The following SPAG9 variants were observed in gnomAD, a reference collection of about 807,000 sequenced individuals.
SPAG9 encodes the protein sperm associated antigen 9.
A neutral mutation model predicts 166.5 loss-of-function variants in SPAG9; 35 were observed. The observed-to-expected ratio is 0.21, with a 90% CI of 0.16 to 0.28. SPAG9 has a LOEUF of 0.28. Among genes scored for constraint, SPAG9 ranks in the 10% least tolerant of loss-of-function variants. The pLI is 1.00. For missense variants in SPAG9, 1,235 were observed against 1,603.3 expected (o/e 0.77, Z 3.92); for synonymous variants, 534 against 565.5 (o/e 0.94, Z 0.79).
intron 1 of SPAG9, among the ~76,000 whole-genome samples, chr17:51,100,703 T>A (rs1178020767): frequency 1.3e-5 from 2 of 152,150 alleles, no homozygotes; most frequent in East Asian, 3.9e-4. Context: ...GAGGATCAAC[T>A]GAGGTTGGGA....
At chr17:51,055,851 A>G (rs2047349864) in intron 3 of SPAG9, among the ~76,000 whole-genome samples, 1 of 152,204 alleles carries the variant, frequency 6.6e-6, no homozygotes, top group African/African-American at 2.4e-5. Context: ...AAAAACCCTC[A>G]AGTACATTTT....
Position 51,031,626 on chromosome 17 carries a change from A to G in SPAG9, c.783+55T>C, listed in dbSNP as rs1465536982. The G allele has an allele frequency of 7.3e-6, 9 of 1,227,892 alleles. No homozygotes were observed. The East Asian group carries it at 1.5e-4, about 21-fold the overall frequency. The allele number at this position is 1,227,892 out of a possible 1,614,324, so 76.1% of individuals were successfully genotyped here. A position where few individuals can be genotyped will look rare whatever the true frequency, so the allele number is the denominator to read the frequency against. ...AGAATAGCAGTTGAGGAAGTAATCAATAGTTAATCACTTTAGTATACTTTT... is the reference window on the plus strand; with the variant it reads ...AGAATAGCAGTTGAGGAAGTAATCAGTAGTTAATCACTTTAGTATACTTTT... On this transcript the variant is annotated intron_variant, in intron 6 of 29. Transcript: ENST00000262013.
intron 5 of SPAG9, chr17:51,040,546 A>G (rs1468713601): frequency 6.6e-6 from 1 of 152,242 alleles, no homozygotes; most frequent in Non-Finnish European, 1.5e-5. Flanking sequence ...AAAACAAATC[A>G]TTCACTCAAC....
At chr17:51,081,655 T>C (rs1385681795) in intron 1 of SPAG9, among the ~76,000 whole-genome samples, 3 of 151,838 alleles carry the variant, frequency 2.0e-5, no homozygotes, top group East Asian at 1.9e-4. Flanking sequence ...GGCAGGAGAA[T>C]TGCTTGAACT....
At chr17:51,117,112 G>A (rs1388974984) in intron 1 of SPAG9, among the ~76,000 whole-genome samples, 1 of 152,128 alleles carries the variant, frequency 6.6e-6, no homozygotes, top group Non-Finnish European at 1.5e-5. Context: ...TAAAACAGCA[G>A]ACTAGCTCCA....
chr17:51,010,449 T>C lies in SPAG9; in HGVS notation c.1214-3123A>G, dbSNP rs190449918. Among the ~76,000 whole-genome samples, 20 of 151,832 alleles carry C rather than the reference T, an allele frequency of 1.3e-4. 1 individual carries two copies. In the South Asian group the frequency reaches 4.2e-3, roughly 32 times the overall value. On this transcript the variant is annotated intron_variant, in intron 9 of 29. Transcript: ENST00000262013. Reference sequence around the variant, plus strand: ...ATAACTAAAAAATAACAGTAAAGTATGAAGAGTGGTATAATAAAATGCAGT... The same window carrying C: ...ATAACTAAAAAATAACAGTAAAGTACGAAGAGTGGTATAATAAAATGCAGT...
chr17:51,101,120 G>A (rs1271857777), intron 1 of SPAG9, among the ~76,000 whole-genome samples: 1 of 151,992 alleles, frequency 6.6e-6, no homozygotes, highest in African/African-American at 2.4e-5. Context: ...GGCCAAGGCA[G>A]GTGGATCACG....
chr17:51,020,778 A>C (rs1210715895), intron 7 of SPAG9, among the ~76,000 whole-genome samples: 1 of 152,212 alleles, frequency 6.6e-6, no homozygotes, highest in Non-Finnish European at 1.5e-5. Flanking sequence ...ACCAAAATCC[A>C]TGGATGCTCA....
chr17:51,027,434 C>CAA (rs560398446), intron 6 of SPAG9, among the ~76,000 whole-genome samples: 5 of 111,176 alleles, frequency 4.5e-5, no homozygotes, highest in African/African-American at 1.0e-4. Flanking sequence ...GACCTTGTCT[C>CAA]AAAAAAAAAA....
chr17:50,991,627 A>AT (rs879696026), intron 19 of SPAG9, among the ~76,000 whole-genome samples: 6,487 of 144,714 alleles, frequency 0.045, 460 homozygotes, highest in African/African-American at 0.15. Flanking sequence ...CATCACCATT[A>AT]TTTTTTTTTT....
intron 8 of SPAG9, among the ~76,000 whole-genome samples, chr17:51,016,725 T>C (rs1028137158): frequency 6.6e-6 from 1 of 151,992 alleles, no homozygotes; most frequent in Non-Finnish European, 1.5e-5. Context: ...ACCAACATGG[T>C]GAAACCCCGT....
chr17:51,074,066 C>T (rs1170843291), intron 2 of SPAG9, among the ~76,000 whole-genome samples: 14 of 152,130 alleles, frequency 9.2e-5, no homozygotes, highest in Non-Finnish European at 2.1e-4. Flanking sequence ...GAAACCCCGT[C>T]TCTACTAAAA....
chr17:51,084,745 A>G (rs2048261654), intron 1 of SPAG9, among the ~76,000 whole-genome samples: 1 of 152,128 alleles, frequency 6.6e-6, no homozygotes, highest in Admixed American at 6.6e-5. Context: ...TGTGTTACGG[A>G]TAAAATGCTG....
Position 51,021,278 on chromosome 17 carries a change from CAGT to C in SPAG9, c.868_870del (p.Thr290del). ...TCGTTTTCTTCCTTTAAGGGAGTATCAGTAGGAATTGTTGCCACATCTGAATTA... is the reference window on the plus strand; with the variant it reads ...TCGTTTTCTTCCTTTAAGGGAGTATCAGGAATTGTTGCCACATCTGAATTA... On this transcript the variant is annotated inframe_deletion, in exon 7 of 30. Coordinates refer to ENST00000262013, the MANE Select transcript of SPAG9 (RefSeq NM_001130528.3). The C allele has an allele frequency of 6.2e-7, 1 of 1,614,082 alleles. No homozygotes were observed. The highest frequency in any genetic ancestry group is 8.5e-7 in the Non-Finnish European group (1 of 1,179,972).
chr17:51,049,322 A>G (rs908499441), intron 3 of SPAG9, among the ~76,000 whole-genome samples: 4 of 151,588 alleles, frequency 2.6e-5, no homozygotes, highest in Non-Finnish European at 5.9e-5. Context: ...AGCTATGATC[A>G]TGCCACTGCA....
chr17:51,018,363 CAA>C, intron 8 of SPAG9, among the ~76,000 whole-genome samples: 1 of 141,582 alleles, frequency 7.1e-6, no homozygotes. Flanking sequence ...GACTGCATCT[CAA>C]AAAAAAAAAG....
intron 26 of SPAG9, among the ~76,000 whole-genome samples, chr17:50,979,262 C>T (rs1724536273): frequency 6.7e-6 from 1 of 149,728 alleles, no homozygotes; most frequent in Non-Finnish European, 1.5e-5. Context: ...TGTCCAGCTA[C>T]TGGGAAGGCT....
chr17:51,062,949 A>G (rs1224036535), intron 2 of SPAG9, among the ~76,000 whole-genome samples: 1 of 152,084 alleles, frequency 6.6e-6, no homozygotes, highest in African/African-American at 2.4e-5. Context: ...CTAATATTCC[A>G]TTGTCTAGAT....
chr17:51,100,208 G>A (rs1343009009), intron 1 of SPAG9, among the ~76,000 whole-genome samples: 3 of 152,230 alleles, frequency 2.0e-5, no homozygotes, highest in Non-Finnish European at 4.4e-5. Context: ...TTTGGCTGCT[G>A]AGAATTCTGT....
Sources: gnomAD v4.1 joint callset for allele counts (sites outside exome capture counted in the v4.1 genomes callset) on GRCh38, gnomAD v4.1.1 for gene constraint, MANE v1.5 for transcripts, NCBI Gene and HGNC (gene_info 2026-07-23, HGNC 2026-07-21) for gene names.